LOXHD1: variants seen among roughly 807,000 people sequenced by gnomAD.
LOXHD1 encodes lipoxygenase homology PLAT domains 1, also known as lipoxygenase homology domain-containing protein 1.
Under a neutral mutation model 248.2 loss-of-function variants are expected in LOXHD1, and 205 were observed. The observed-to-expected ratio is 0.83, with a 90% CI of 0.74 to 0.93. LOXHD1 has a LOEUF of 0.93. Among genes scored for constraint, LOXHD1 ranks in the 40% least tolerant of loss-of-function variants. LOXHD1 has a pLI of 0.00. For synonymous variants in LOXHD1, 1,113 were observed against 1,162.8 expected (o/e 0.96, Z 0.87); for missense variants, 2,930 against 2,971.6 (o/e 0.99, Z 0.33).
chr18:46,517,133 G>C (rs1393393665), intron 34 of LOXHD1, among the ~76,000 whole-genome samples: 1 of 152,166 alleles, frequency 6.6e-6, no homozygotes, highest in Non-Finnish European at 1.5e-5. Flanking sequence ...AAAATGTTAA[G>C]CTTAGGATCC....
At chr18:46,481,503 C>T (rs1034010490) in intron 40 of LOXHD1, among the ~76,000 whole-genome samples, 6 of 152,202 alleles carry the variant, frequency 3.9e-5, no homozygotes, top group Non-Finnish European at 5.9e-5. Context: ...ACCCTAGACC[C>T]TATAGAGCAT....
At chr18:46,640,103 T>A (rs963781324) in intron 3 of LOXHD1, among the ~76,000 whole-genome samples, 1 of 152,176 alleles carries the variant, frequency 6.6e-6, no homozygotes, top group African/African-American at 2.4e-5. Flanking sequence ...CCCTTTGAGG[T>A]CCTGGCTATT....
intron 40 of LOXHD1, among the ~76,000 whole-genome samples, chr18:46,478,794 G>A (rs2032274232): frequency 6.6e-6 from 1 of 152,160 alleles, no homozygotes; most frequent in South Asian, 2.1e-4. Context: ...CTGGGCTCAA[G>A]TCATCCTCCT....
At chr18:46,619,384 C>T (rs141970658) in intron 4 of LOXHD1, among the ~76,000 whole-genome samples, 5 of 152,250 alleles carry the variant, frequency 3.3e-5, no homozygotes, top group Admixed American at 6.5e-5. Flanking sequence ...TCCTCAGCTC[C>T]GCTATGTTGC....
chr18:46,639,944 C>T lies in LOXHD1; in HGVS notation c.327-144G>A, dbSNP rs1404049555. On this transcript the variant is annotated intron_variant, in intron 3 of 40. Transcript: ENST00000642948. The stretch of plus-strand genomic sequence containing the variant: ...ACTTTATCTCCTGAACCTCGGTTTC[C>T]TCATCTATAAAATGGGGATACCTTG... The T allele has an allele frequency of 6.9e-6, 7 of 1,010,146 alleles. No individual in the cohort carries two copies. In the Admixed American group the frequency reaches 1.6e-4, roughly 23 times the overall value. 62.6% of individuals were successfully genotyped at this position (1,010,146 alleles called of 1,614,324 possible).
chr18:46,576,273 G>A lies in LOXHD1; in HGVS notation c.1970+1434C>T, dbSNP rs956448784. ...ATCCAGCCAGTCAGCCTCTGATCCA[G>A]GATGGGGGTGAAAACGCCAGTAATG... On this transcript the variant is annotated intron_variant, in intron 14 of 40. Coordinates refer to ENST00000642948, the MANE Select transcript of LOXHD1 (RefSeq NM_001384474.1). Among the ~76,000 whole-genome samples, 3 of 152,198 alleles carry A rather than the reference G, an allele frequency of 2.0e-5. No homozygotes were observed. The South Asian group carries it at 6.2e-4, about 31-fold the overall frequency.
intron 35 of LOXHD1, chr18:46,509,424 C>A: frequency 2.2e-6 from 1 of 452,230 alleles, no homozygotes. Flanking sequence ...GCCCACACCA[C>A]CCCTCCCCTT....
intron 4 of LOXHD1, among the ~76,000 whole-genome samples, chr18:46,629,682 G>A (rs2038793456): frequency 6.6e-6 from 1 of 151,468 alleles, no homozygotes; most frequent in South Asian, 2.1e-4. Flanking sequence ...TGATGAAACA[G>A]CCAGGAATGG....
intron 4 of LOXHD1, among the ~76,000 whole-genome samples, chr18:46,635,235 T>G (rs1405493692): frequency 6.6e-6 from 1 of 150,660 alleles, no homozygotes; most frequent in Non-Finnish European, 1.5e-5. Context: ...GACTAGGGGG[T>G]TTAATTCCAG....
In LOXHD1 at chr18:46,483,672, C is replaced by A. The variant is rs2032779151; in HGVS notation, c.6256G>T (p.Ala2086Ser). 1 of 1,551,718 alleles carries A rather than the reference C, an allele frequency of 6.4e-7. No individual in the cohort carries two copies. The highest frequency in any genetic ancestry group is 2.4e-5 in the East Asian group (1 of 40,906). The change falls in exon 40 of 41, where the codon GCC becomes TCC. Residue 2086 changes from alanine (A) to serine (S), a missense_variant. Physicochemically the swap from Ala to Ser is moderately conservative, Grantham distance 99. Transcript: ENST00000642948. ...DIASLCVGHL[A>S]REDRFIPKRE... Reference sequence around the variant, plus strand: ...TTGGGGATAAACCGGTCTTCCCTGGCAAGGTGGCCCACACAGAGGGAGGCA... The same window carrying A: ...TTGGGGATAAACCGGTCTTCCCTGGAAAGGTGGCCCACACAGAGGGAGGCA...
chr18:46,591,713 C>T (rs1477758014), intron 12 of LOXHD1, among the ~76,000 whole-genome samples: 1 of 152,226 alleles, frequency 6.6e-6, no homozygotes, highest in Non-Finnish European at 1.5e-5. Context: ...CATCTTCCCT[C>T]CCTCCCCACC....
At chr18:46,508,982 G>A (rs1189631123) in intron 35 of LOXHD1, among the ~76,000 whole-genome samples, 1 of 152,172 alleles carries the variant, frequency 6.6e-6, no homozygotes, top group Non-Finnish European at 1.5e-5. Flanking sequence ...GGGAAGGTGA[G>A]GAAGTGATGA....
At chr18:46,484,593 T>C (rs1362249182) in intron 39 of LOXHD1, among the ~76,000 whole-genome samples, 1 of 152,174 alleles carries the variant, frequency 6.6e-6, no homozygotes, top group Non-Finnish European at 1.5e-5. Context: ...CAGTCTGAGG[T>C]ATTCTGTTAT....
At position 46,477,758 on chromosome 18, in the gene LOXHD1, A is replaced by T; in HGVS notation, c.6536T>A (p.Phe2179Tyr). 1 of 1,551,874 alleles carries T rather than the reference A, an allele frequency of 6.4e-7. No homozygotes were observed. Among genetic ancestry groups the T allele is most frequent in the Non-Finnish European group, 8.7e-7 (1 of 1,147,032 alleles). The change falls in exon 41 of 41, where the codon TTT becomes TAT. Residue 2179 changes from phenylalanine to tyrosine, a missense_variant. Physicochemically the swap from Phe to Tyr is conservative, Grantham distance 22 (BLOSUM62 3). Transcript: ENST00000642948. ...CTTGCCTGTGTCTCCGTTGGCCCCA[A>T]AGATGGTCACGAAGACGTTGGCATC... ...GTDANVFVTI[F>Y]GANGDTGKRE...
intron 29 of LOXHD1, among the ~76,000 whole-genome samples, chr18:46,525,401 G>C (rs1347036749): frequency 6.6e-6 from 1 of 152,152 alleles, no homozygotes; most frequent in African/African-American, 2.4e-5. Flanking sequence ...GAGATGCTGA[G>C]AGGGAGTTAG....
intron 14 of LOXHD1, among the ~76,000 whole-genome samples, chr18:46,572,506 C>G (rs2037772164): frequency 6.6e-6 from 1 of 152,150 alleles, no homozygotes; most frequent in African/African-American, 2.4e-5. Context: ...GGAGTTGAAA[C>G]AGGACCATGT....
At chr18:46,566,614 C>A (rs2037648465) in intron 16 of LOXHD1, among the ~76,000 whole-genome samples, 165 bp from the exon 17 acceptor site, 1 of 152,204 alleles carries the variant, frequency 6.6e-6, no homozygotes, top group Admixed American at 6.5e-5. Flanking sequence ...GCCCCACCAT[C>A]AGCCAGCTGG....
chr18:46,569,477 C>T lies in LOXHD1; in HGVS notation c.2209G>A (p.Asp737Asn). The change falls in exon 16 of 41, where the codon GAT becomes AAT. Residue 737 changes from aspartate to asparagine, a missense_variant. By Grantham distance (23) the Asp-to-Asn change is conservative. Coordinates refer to ENST00000642948, the MANE Select transcript of LOXHD1 (RefSeq NM_001384474.1). ...TTCAGGGTCTCGAGGGTGAACTCAT[C>T]CACCCGGCCACGTTCAAAGTAGTCT... The part of the protein sequence containing the change: ...LKDYFERGRV[D>N]EFTLETLNIG... 9.0e-6 allele frequency: 14 copies of T among 1,552,102 alleles called. No homozygotes were observed. Among genetic ancestry groups the T allele is most frequent in the Non-Finnish European group, 1.2e-5 (14 of 1,147,092 alleles).
chr18:46,524,947 G>A (rs1371553715), intron 29 of LOXHD1, 30 bp from the exon 30 acceptor site: 1 of 1,550,352 alleles, frequency 6.5e-7, no homozygotes, highest in Non-Finnish European at 8.7e-7. Context: ...GGACTCATAT[G>A]GGGGTGTGCC....
Sources: allele counts gnomAD v4.1 joint callset (sites outside exome capture counted in the v4.1 genomes callset), GRCh38; gene constraint gnomAD v4.1.1; transcripts MANE v1.5; gene names NCBI Gene and HGNC (gene_info 2026-07-23, HGNC 2026-07-21).